The following ZNRF3 variants were observed in gnomAD, a reference collection of about 807,000 sequenced individuals.
The protein encoded by ZNRF3 is zinc and ring finger 3.
ZNRF3 carries 23 observed loss-of-function variants against 72.5 expected under a neutral mutation model. The observed-to-expected ratio is 0.32, with a 90% CI of 0.23 to 0.45. ZNRF3 has a LOEUF of 0.45. Among genes scored for constraint, ZNRF3 ranks in the 20% least tolerant of loss-of-function variants. The probability of loss-of-function intolerance (pLI) is 1.00; values close to 1 mark genes in which losing one functional copy is unlikely to be tolerated. For missense variants in ZNRF3, 1,169 were observed against 1,272.1 expected, an observed-to-expected ratio of 0.92 and a Z score of 1.23; for synonymous variants, 610 against 545.3, an observed-to-expected ratio of 1.12 and a Z score of -1.65.
intron 1 of ZNRF3, among the ~76,000 whole-genome samples, chr22:28,975,846 G>A (rs1466934586): frequency 6.6e-6 from 1 of 150,990 alleles, no homozygotes; most frequent in Non-Finnish European, 1.5e-5. Flanking sequence ...TTGCCAGACC[G>A]CTTCCCCCCA....
At chr22:28,913,849 G>T (rs2034363278) in intron 1 of ZNRF3, among the ~76,000 whole-genome samples, 1 of 152,142 alleles carries the variant, frequency 6.6e-6, no homozygotes, top group South Asian at 2.1e-4. Flanking sequence ...AGCAGGGGCA[G>T]CCTTTATTGT....
chr22:28,910,417 G>A (rs1043557706), intron 1 of ZNRF3, among the ~76,000 whole-genome samples: 5 of 152,210 alleles, frequency 3.3e-5, no homozygotes, highest in African/African-American at 1.2e-4. Flanking sequence ...CCTAGAGGAC[G>A]TAAGCAGTCT....
intron 1 of ZNRF3, among the ~76,000 whole-genome samples, chr22:28,985,868 C>G (rs535963609): frequency 2.0e-5 from 3 of 152,338 alleles, no homozygotes; most frequent in African/African-American, 7.2e-5. Context: ...AAGTCCCAAA[C>G]AGGTCTTCAG....
intron 2 of ZNRF3, among the ~76,000 whole-genome samples, chr22:29,035,271 C>G (rs9608720): frequency 0.31 from 47,659 of 152,026 alleles, 9,201 homozygotes; most frequent in Middle Eastern, 0.42. Context: ...GACATCTATA[C>G]CCTTTGACTC....
intron 4 of ZNRF3, 111 bp from the exon 5 acceptor site, chr22:29,044,669 G>A: frequency 1.3e-6 from 1 of 750,174 alleles, no homozygotes; most frequent in Non-Finnish European, 2.4e-6. Context: ...AAATTGAGGG[G>A]AAACTCATCC....
At chr22:28,973,540 C>T (rs777954175) in intron 1 of ZNRF3, among the ~76,000 whole-genome samples, 5 of 152,188 alleles carry the variant, frequency 3.3e-5, no homozygotes, top group African/African-American at 1.2e-4. Flanking sequence ...TGGGATCCAC[C>T]GTGGGCCAGT....
intron 2 of ZNRF3, among the ~76,000 whole-genome samples, chr22:29,018,859 A>G (rs1163235605): frequency 2.6e-5 from 4 of 151,906 alleles, no homozygotes; most frequent in Non-Finnish European, 4.4e-5. Flanking sequence ...CCCTTAAAAC[A>G]TAGCACCCTA....
intron 1 of ZNRF3, among the ~76,000 whole-genome samples, chr22:28,888,551 C>T (rs1273795982): frequency 2.0e-5 from 3 of 152,146 alleles, no homozygotes; most frequent in Non-Finnish European, 4.4e-5. Context: ...GTTTTGTTCC[C>T]TGAGATCTCA....
intron 1 of ZNRF3, among the ~76,000 whole-genome samples, chr22:28,955,612 T>A (rs895041880): frequency 6.6e-6 from 1 of 152,058 alleles, no homozygotes; most frequent in African/African-American, 2.4e-5. Context: ...CACTGAAGTG[T>A]TACTTAAGGT....
intron 1 of ZNRF3, among the ~76,000 whole-genome samples, chr22:28,905,602 A>T (rs987483564): frequency 6.6e-6 from 1 of 152,228 alleles, no homozygotes; most frequent in African/African-American, 2.4e-5. Context: ...GCCTCTGGGT[A>T]AACATTCTGC....
chr22:28,884,153 T>C, intron 1 of ZNRF3, 87 bp downstream of exon 1: 2 of 982,690 alleles, frequency 2.0e-6, no homozygotes, highest in Non-Finnish European at 2.5e-6. Context: ...GCGGGCTGCC[T>C]GACTGGCGGG....
At chr22:29,040,955 C>A (rs559861142) in intron 2 of ZNRF3, among the ~76,000 whole-genome samples, 1 of 152,294 alleles carries the variant, frequency 6.6e-6, no homozygotes, top group South Asian at 2.1e-4. Context: ...ATTATTCCTA[C>A]GGAAAGGAAT....
chr22:29,032,485 A>G (rs577063212), intron 2 of ZNRF3, among the ~76,000 whole-genome samples: 23 of 152,248 alleles, frequency 1.5e-4, no homozygotes, highest in South Asian at 6.3e-4. Context: ...GACAACCAGT[A>G]AAAAGGCTGT....
intron 1 of ZNRF3, among the ~76,000 whole-genome samples, chr22:28,945,235 C>T (rs1325600512): frequency 6.6e-6 from 1 of 151,316 alleles, no homozygotes; most frequent in African/African-American, 2.4e-5. Context: ...TAGAAAATTA[C>T]TAACAATATC....
chr22:28,936,996 A>G lies in ZNRF3; in HGVS notation c.301-50080A>G, dbSNP rs1464021965. Among the ~76,000 whole-genome samples, 3 of 151,892 alleles carry G rather than the reference A, an allele frequency of 2.0e-5. 1 individual carries two copies. The South Asian group carries it at 6.2e-4, about 31-fold the overall frequency. ...TGTAACTTAACATGACACCTCATTC[A>G]TCTGAGCTGCTACTGCATACAGGTT... is the stretch of plus-strand genomic sequence containing the variant. On this transcript the variant is annotated intron_variant, in intron 1 of 8. Coordinates refer to ENST00000544604, the MANE Select transcript of ZNRF3 (RefSeq NM_001206998.2).
intron 1 of ZNRF3, among the ~76,000 whole-genome samples, chr22:28,925,201 G>A (rs2034579792): frequency 1.3e-5 from 2 of 152,156 alleles, no homozygotes; most frequent in African/African-American, 4.8e-5. Context: ...TCCTTCCCAA[G>A]ATCTTCCCTA....
At chr22:29,017,419 T>C (rs1476582146) in intron 2 of ZNRF3, among the ~76,000 whole-genome samples, 3 of 152,164 alleles carry the variant, frequency 2.0e-5, no homozygotes, top group African/African-American at 4.8e-5. Flanking sequence ...CTGTGGACAA[T>C]TGAGTTTGCA....
At chr22:28,970,669 C>A (rs937587256) in intron 1 of ZNRF3, among the ~76,000 whole-genome samples, 1 of 152,198 alleles carries the variant, frequency 6.6e-6, no homozygotes, top group Non-Finnish European at 1.5e-5. Context: ...CACTACTCTG[C>A]AATAAGCAGC....
At chr22:29,044,149 C>T (rs1232694757) in intron 4 of ZNRF3, among the ~76,000 whole-genome samples, 1 of 152,236 alleles carries the variant, frequency 6.6e-6, no homozygotes, top group African/African-American at 2.4e-5. Flanking sequence ...CATGCAGCTT[C>T]CACTTTGCAA....
Sources: gnomAD v4.1 joint callset for allele counts (sites outside exome capture counted in the v4.1 genomes callset) on GRCh38, gnomAD v4.1.1 for gene constraint, MANE v1.5 for transcripts, NCBI Gene and HGNC (gene_info 2026-07-23, HGNC 2026-07-21) for gene names.